The following CYP4F2 variants were observed in gnomAD, a reference collection of about 807,000 sequenced individuals.
CYP4F2 encodes the protein cytochrome P450 family 4 subfamily F member 2, also known as cytochrome P450 4F2.
A neutral mutation model predicts 58.9 loss-of-function variants in CYP4F2; 58 were observed. That is an observed-to-expected ratio of 0.98 (90% CI 0.80 to 1.23). The LOEUF (loss-of-function observed/expected upper bound fraction) is 1.23. CYP4F2 is among the 50% of genes most tolerant of loss of function. The pLI, the probability that CYP4F2 is intolerant of heterozygous loss-of-function variation, is 0.00. For missense variants in CYP4F2, 616 were observed against 685.6 expected (o/e 0.90, Z 1.13); for synonymous variants, 287 against 261.1 (o/e 1.10, Z -0.95).
At position 15,878,766 on chromosome 19, in the gene CYP4F2, A is replaced by C; in HGVS notation, c.*5T>G. The C allele has an allele frequency of 1.2e-6, 2 of 1,613,082 alleles. No homozygotes were observed. The highest frequency in any genetic ancestry group is 1.7e-6 in the Non-Finnish European group (2 of 1,179,448). On this transcript the variant is annotated 3_prime_UTR_variant, in exon 13 of 13. Transcript: ENST00000221700. ...TAGTGGGGTCAGAGTGGGTCTCTGC[A>C]GAACTCAGCTCAGGGGCTCCACCCG... is the stretch of plus-strand genomic sequence containing the variant.
At chr19:15,897,053 G>A (rs555103405) in intron 2 of CYP4F2, among the ~76,000 whole-genome samples, 2 of 152,320 alleles carry the variant, frequency 1.3e-5, no homozygotes, top group South Asian at 2.1e-4. Context: ...GGCAAGGAGA[G>A]GACCCTGGAC....
intron 5 of CYP4F2, 147 bp downstream of exon 5, chr19:15,892,161 TC>T: frequency 1.5e-6 from 2 of 1,362,100 alleles, no homozygotes; most frequent in Non-Finnish European, 2.0e-6. Context: ...GGGATTATTA[TC>T]CCCATTTTAC....
chr19:15,896,069 T>TATCCATCCATCC (rs746020026), intron 2 of CYP4F2, among the ~76,000 whole-genome samples: 5 of 142,306 alleles, frequency 3.5e-5, no homozygotes, highest in African/African-American at 5.6e-5. Context: ...TCTATCTATC[T>TATCCATCCATCC]ATCCATCCAT....
Position 15,889,662 on chromosome 19 carries a change from C to G in CYP4F2, c.679G>C (p.Glu227Gln). Residue 227 changes from glutamate (E) to glutamine (Q), a missense_variant, in exon 7 of 13, where the codon GAG becomes CAG. Glu to Gln is a conservative substitution (Grantham distance 29). Coordinates refer to ENST00000221700, the MANE Select transcript of CYP4F2 (RefSeq NM_001082.5). ...CTTTTTGATACAAGGGCACTGAGCTCCAAGATGGCGGCAATATATTCACTG... is the reference window on the plus strand; with the variant it reads ...CTTTTTGATACAAGGGCACTGAGCTGCAAGATGGCGGCAATATATTCACTG... ...KPSEYIAAIL[E>Q]LSALVSKRHH... 1 of 1,614,036 alleles carries G rather than the reference C, an allele frequency of 6.2e-7. No homozygotes were observed. The highest frequency in any genetic ancestry group is 2.2e-5 in the East Asian group (1 of 44,862).
In CYP4F2 at chr19:15,878,485, T is replaced by G. The variant is rs1168554899; in HGVS notation, c.*286A>C. ...TAGGGATCACTGCTTCATTCCTTTT[T>G]ATGGCTGTGTAATACTCCATTGTAT... On this transcript the variant is annotated 3_prime_UTR_variant, in exon 13 of 13. Coordinates refer to ENST00000221700, the MANE Select transcript of CYP4F2 (RefSeq NM_001082.5). The G allele has an allele frequency of 4.0e-6, 2 of 495,194 alleles. No homozygotes were observed. The highest frequency in any genetic ancestry group is 7.1e-6 in the Non-Finnish European group (2 of 283,434). The allele number at this position is 495,194 out of a possible 1,614,324, so 30.7% of individuals were successfully genotyped here. A position where few individuals can be genotyped will look rare whatever the true frequency, so the allele number is the denominator to read the frequency against.
intron 9 of CYP4F2, among the ~76,000 whole-genome samples, chr19:15,884,409 C>T (rs1239072237): frequency 6.6e-6 from 1 of 152,150 alleles, no homozygotes; most frequent in Non-Finnish European, 1.5e-5. Context: ...TAAAACCTAG[C>T]ACTTGATAGA....
At chr19:15,896,288 C>CTCTA (rs1005396600) in intron 2 of CYP4F2, among the ~76,000 whole-genome samples, 8 of 151,344 alleles carry the variant, frequency 5.3e-5, no homozygotes, top group African/African-American at 1.9e-4. Flanking sequence ...ATTCCTCCTG[C>CTCTA]TCTATCTATC....
At chr19:15,896,985 G>A (rs902715321) in intron 2 of CYP4F2, among the ~76,000 whole-genome samples, 2 of 152,166 alleles carry the variant, frequency 1.3e-5, no homozygotes, top group Non-Finnish European at 1.5e-5. Flanking sequence ...GTGGAAGTGG[G>A]AGACGGCCCA....
chr19:15,886,754 G>A (rs1558139), intron 7 of CYP4F2, among the ~76,000 whole-genome samples: 69,212 of 151,940 alleles, frequency 0.46, 15,925 homozygotes, highest in South Asian at 0.54. Context: ...TCACTGAAGA[G>A]GATTTGTTTA....
chr19:15,878,700 G>A lies in CYP4F2; in HGVS notation c.*71C>T. The A allele has an allele frequency of 6.3e-7, 1 of 1,588,002 alleles. No homozygotes were observed. The highest frequency in any genetic ancestry group is 8.6e-7 in the Non-Finnish European group (1 of 1,165,660). On this transcript the variant is annotated 3_prime_UTR_variant, in exon 13 of 13. Transcript: ENST00000221700. The stretch of plus-strand genomic sequence containing the variant: ...ACAGGACTGTGGAACAGGGTCTTAG[G>A]GTAATTCTAGGCTTCACTTTTGATG...
intron 3 of CYP4F2, among the ~76,000 whole-genome samples, chr19:15,893,327 T>C (rs1276361730): frequency 6.6e-6 from 1 of 150,782 alleles, no homozygotes; most frequent in East Asian, 1.9e-4. Context: ...CCCAGATGTT[T>C]GGACCACCAG....
chr19:15,893,600 C>G, intron 3 of CYP4F2: 1 of 155,010 alleles, frequency 6.5e-6, no homozygotes, highest in Non-Finnish European at 1.4e-5. Flanking sequence ...AGAGGTTAGA[C>G]AGGTGGAAGT....
At position 15,895,569 on chromosome 19, in the gene CYP4F2, G is replaced by C. The variant is rs755654821; in HGVS notation, c.280C>G (p.Pro94Ala). The stretch of plus-strand genomic sequence containing the variant: ...CACAAACTGAGGAGGGGGGAGATGG[G>C]TCCCATCCAGACCTTAAAGCCCTGG... ...YPQGFKVWMG[P>A]ISPLLSLCHP... The change falls in exon 3 of 13, where the codon CCC becomes GCC. Residue 94 changes from proline to alanine, a missense_variant. Physicochemically the swap from Pro to Ala is conservative, Grantham distance 27 (BLOSUM62 -1). Transcript: ENST00000221700. 3 of 1,576,456 alleles carry C rather than the reference G, an allele frequency of 1.9e-6. No homozygotes were observed. The highest frequency in any genetic ancestry group is 2.6e-6 in the Non-Finnish European group (3 of 1,165,554).
In CYP4F2 at chr19:15,878,488, G is replaced by A; in HGVS notation, c.*283C>T. The A allele has an allele frequency of 2.0e-6, 1 of 498,344 alleles. No individual in the cohort carries two copies. The highest frequency in any genetic ancestry group is 2.9e-5 in the South Asian group (1 of 34,790). 30.9% of individuals were successfully genotyped at this position (498,344 alleles called of 1,614,324 possible). A position where few individuals can be genotyped will look rare whatever the true frequency, so the allele number is the denominator to read the frequency against. On this transcript the variant is annotated 3_prime_UTR_variant, in exon 13 of 13. Coordinates refer to ENST00000221700, the MANE Select transcript of CYP4F2 (RefSeq NM_001082.5). ...GGATCACTGCTTCATTCCTTTTTATGGCTGTGTAATACTCCATTGTATGGA... is the reference window on the plus strand; with the variant it reads ...GGATCACTGCTTCATTCCTTTTTATAGCTGTGTAATACTCCATTGTATGGA...
chr19:15,896,058 G>GTCTA lies in CYP4F2; in HGVS notation c.199-412_199-409dup, dbSNP rs201547925. On this transcript the variant is annotated intron_variant, in intron 2 of 12. Transcript: ENST00000221700. The stretch of plus-strand genomic sequence containing the variant: ...CATGCATCCATATGTCCTATTATTT[G>GTCTA]TCTATCTATCTATCCATCCATCCAT... 6.2e-4 allele frequency among the ~76,000 whole-genome samples: 90 copies of GTCTA among 145,380 alleles called. 1 individual carries two copies. The highest frequency in any genetic ancestry group is 2.2e-3 in the African/African-American group (85 of 38,532).
At chr19:15,897,225 A>T (rs3093107) in intron 2 of CYP4F2, among the ~76,000 whole-genome samples, 189 bp downstream of exon 2, 4,408 of 152,234 alleles carry the variant, frequency 0.029, 233 homozygotes, top group African/African-American at 0.098. Context: ...GTGGGAGGAC[A>T]AGGAAGTGAG....
chr19:15,897,375 C>T, intron 2 of CYP4F2, 39 bp downstream of exon 2: 1 of 1,381,018 alleles, frequency 7.2e-7, no homozygotes, highest in Non-Finnish European at 9.8e-7. Flanking sequence ...GGAAGTCCAT[C>T]CATCCTGAGA....
intron 7 of CYP4F2, chr19:15,886,514 C>T (rs1336229136): frequency 4.8e-5 from 28 of 587,248 alleles, no homozygotes; most frequent in Non-Finnish European, 7.0e-5. Flanking sequence ...TTCCTTGCCT[C>T]CTCTTGGGTT....
intron 9 of CYP4F2, 148 bp downstream of exon 9, chr19:15,885,776 G>T: frequency 7.9e-7 from 1 of 1,259,474 alleles, no homozygotes; most frequent in Non-Finnish European, 1.1e-6. Flanking sequence ...GTCAGGATGG[G>T]TACTAAGTCC....
Sources: allele counts gnomAD v4.1 joint callset (sites outside exome capture counted in the v4.1 genomes callset), GRCh38; gene constraint gnomAD v4.1.1; transcripts MANE v1.5; gene names NCBI Gene and HGNC (gene_info 2026-07-23, HGNC 2026-07-21).